The following AP3S2 variants were observed in gnomAD, a reference collection of about 807,000 sequenced individuals.
AP3S2 encodes AP-3 complex subunit sigma-2.
A neutral mutation model predicts 23.4 loss-of-function variants in AP3S2; 22 were observed. The observed-to-expected ratio is 0.94, with a 90% CI of 0.67 to 1.34. AP3S2 has a LOEUF of 1.34. AP3S2 is among the 40% of genes most tolerant of loss of function. The pLI, the probability that AP3S2 is intolerant of heterozygous loss-of-function variation, is 0.00. For missense variants in AP3S2, 241 were observed against 236.9 expected, an observed-to-expected ratio of 1.02 and a Z score of -0.11; for synonymous variants, 86 against 87.1, an observed-to-expected ratio of 0.99 and a Z score of 0.07.
In AP3S2 at chr15:89,837,294, C is replaced by T. The variant is rs547795468; in HGVS notation, c.453+321G>A. ...GAGGGTTCTGGGTCCCTCCAGGGAACGAGTGGCTTTCAAAGGAGGAATTAC... is the reference window on the plus strand; with the variant it reads ...GAGGGTTCTGGGTCCCTCCAGGGAATGAGTGGCTTTCAAAGGAGGAATTAC... On this transcript the variant is annotated intron_variant, in intron 5 of 5. Coordinates refer to ENST00000336418, the MANE Select transcript of AP3S2 (RefSeq NM_005829.5). Among the ~76,000 whole-genome samples, 17 of 152,264 alleles carry T rather than the reference C, an allele frequency of 1.1e-4. No homozygotes were observed. In the South Asian group the frequency reaches 3.3e-3, roughly 30 times the overall value.
intron 3 of AP3S2, among the ~76,000 whole-genome samples, chr15:89,879,394 G>A (rs1017760935): frequency 6.6e-6 from 1 of 152,178 alleles, no homozygotes; most frequent in Non-Finnish European, 1.5e-5. Context: ...ATAGATGCAC[G>A]TGGAAGGATG....
At chr15:89,856,347 GAGGTCA>G (rs1296649836) in intron 4 of AP3S2, among the ~76,000 whole-genome samples, 8 of 152,150 alleles carry the variant, frequency 5.3e-5, no homozygotes, top group Non-Finnish European at 1.2e-4. Flanking sequence ...TGGATCACTC[GAGGTCA>G]GGAATTTGAG....
intron 3 of AP3S2, chr15:89,886,470 A>G (rs957498998): frequency 2.0e-5 from 3 of 151,948 alleles, no homozygotes; most frequent in South Asian, 2.1e-4. Context: ...CTTTTAAAAA[A>G]TTTTCTTTAT....
intron 4 of AP3S2, among the ~76,000 whole-genome samples, chr15:89,845,165 C>A (rs1186879514): frequency 6.6e-6 from 1 of 152,168 alleles, no homozygotes. Flanking sequence ...CCCCGGCCTC[C>A]CAAAGTCCTA....
chr15:89,887,074 G>A (rs1462393548), intron 3 of AP3S2, among the ~76,000 whole-genome samples: 1 of 152,142 alleles, frequency 6.6e-6, no homozygotes, highest in African/African-American at 2.4e-5. Flanking sequence ...GGGATTACAG[G>A]TGTGAGCCAC....
chr15:89,885,709 A>C (rs1348623616), intron 3 of AP3S2, among the ~76,000 whole-genome samples: 1 of 151,976 alleles, frequency 6.6e-6, no homozygotes, highest in Non-Finnish European at 1.5e-5. Flanking sequence ...TGGGAGGCCA[A>C]AGTGGGAAGA....
chr15:89,879,212 G>A (rs1896514524), intron 3 of AP3S2, among the ~76,000 whole-genome samples: 1 of 152,242 alleles, frequency 6.6e-6, no homozygotes, highest in African/African-American at 2.4e-5. Flanking sequence ...AGTCAGTGAG[G>A]TTATGGGTAA....
chr15:89,842,653 G>GC (rs1431965225), intron 4 of AP3S2, among the ~76,000 whole-genome samples: 1 of 152,120 alleles, frequency 6.6e-6, no homozygotes, highest in African/African-American at 2.4e-5. Context: ...TCGCTCTGTT[G>GC]CCAGGCTGGA....
chr15:89,835,528 G>A lies in AP3S2; in HGVS notation c.569C>T (p.Ser190Phe). 2 of 1,613,850 alleles carry A rather than the reference G, an allele frequency of 1.2e-6. No individual in the cohort carries two copies. Among genetic ancestry groups the A allele is most frequent in the Non-Finnish European group, 1.7e-6 (2 of 1,179,958 alleles). ...GDLNIKVPNL[S>F]QFV is the part of the protein sequence containing the mutation. Reference sequence around the variant, plus strand: ...AATACTTGATCCTCAGACAAACTGGGACAGGTTGGGAACTTTGATGTTGAG... The same window carrying A: ...AATACTTGATCCTCAGACAAACTGGAACAGGTTGGGAACTTTGATGTTGAG... The change falls in exon 6 of 6, where the codon TCC becomes TTC. Residue 190 changes from serine (S) to phenylalanine (F), a missense_variant. Ser to Phe is a radical substitution (Grantham distance 155). Transcript: ENST00000336418.
intron 3 of AP3S2, among the ~76,000 whole-genome samples, chr15:89,884,940 C>T (rs1896660765): frequency 6.6e-6 from 1 of 152,126 alleles, no homozygotes; most frequent in East Asian, 1.9e-4. Flanking sequence ...AGCCGCTGTG[C>T]CTGGCCCATC....
In AP3S2 at chr15:89,837,656, C is replaced by T. The variant is rs1396404859; in HGVS notation, c.412G>A (p.Val138Met). 8 of 1,614,056 alleles carry T rather than the reference C, an allele frequency of 5.0e-6. No homozygotes were observed. Among genetic ancestry groups the T allele is most frequent in the African/African-American group, 2.7e-5 (2 of 74,924 alleles). Residue 138 changes from valine (V) to methionine (M), a missense_variant, in exon 5 of 6, where the codon GTG becomes ATG. Val to Met is a conservative substitution (Grantham distance 21). Coordinates refer to ENST00000336418, the MANE Select transcript of AP3S2 (RefSeq NM_005829.5). ...CTGTTTTGAGCCTCAATCTGAGCCACGATTTCATTCATGTTTGTTTCCAAC... is the reference window on the plus strand; with the variant it reads ...CTGTTTTGAGCCTCAATCTGAGCCATGATTTCATTCATGTTTGTTTCCAAC... ...MVLETNMNEI[V>M]AQIEAQNRLE...
At chr15:89,868,645 A>G (rs1230618244) in intron 4 of AP3S2, among the ~76,000 whole-genome samples, 4 of 99,080 alleles carry the variant, frequency 4.0e-5, no homozygotes, top group African/African-American at 7.9e-5. Context: ...CCTACTGGGA[A>G]GTGAGGAGCC....
At chr15:89,845,213 A>AT (rs1342993338) in intron 4 of AP3S2, 1 of 152,096 alleles carries the variant, frequency 6.6e-6, no homozygotes, top group Non-Finnish European at 1.5e-5. Context: ...AGCCAGAATA[A>AT]TTTTCTTTTC....
intron 4 of AP3S2, among the ~76,000 whole-genome samples, chr15:89,844,215 C>CTT (rs751417036): frequency 1.4e-4 from 2 of 14,692 alleles, no homozygotes; most frequent in African/African-American, 2.4e-4. Context: ...CTTTCTCTTT[C>CTT]TTTCTTTCTT....
intron 4 of AP3S2, among the ~76,000 whole-genome samples, chr15:89,847,843 G>C (rs1026355308): frequency 1.4e-4 from 22 of 152,196 alleles, no homozygotes; most frequent in African/African-American, 4.8e-4. Context: ...AAGGCTAGCA[G>C]CTCATGAAAG....
chr15:89,868,631 C>T (rs1173032400), intron 4 of AP3S2, among the ~76,000 whole-genome samples: 6 of 117,490 alleles, frequency 5.1e-5, no homozygotes, highest in East Asian at 5.7e-4. Flanking sequence ...TCTGCCCGGC[C>T]GCCCCTACTG....
chr15:89,858,762 C>A (rs1477126883), intron 4 of AP3S2, among the ~76,000 whole-genome samples: 1 of 152,138 alleles, frequency 6.6e-6, no homozygotes, highest in Non-Finnish European at 1.5e-5. Context: ...TGACTACAAC[C>A]TTGACAAACA....
chr15:89,881,446 C>A (rs772616278), intron 3 of AP3S2, among the ~76,000 whole-genome samples: 5 of 152,058 alleles, frequency 3.3e-5, no homozygotes, highest in Non-Finnish European at 7.4e-5. Flanking sequence ...GATGATAAGG[C>A]AAACCATTAT....
intron 4 of AP3S2, chr15:89,850,686 TGTTAGGTTCAA>T (rs1168126352): frequency 6.5e-6 from 1 of 153,070 alleles, no homozygotes; most frequent in Non-Finnish European, 1.5e-5. Flanking sequence ...AAAGGCAGTG[TGTTAGGTTCAA>T]GGCATTCACT....
Sources: allele counts gnomAD v4.1 joint callset (sites outside exome capture counted in the v4.1 genomes callset), GRCh38; gene constraint gnomAD v4.1.1; transcripts MANE v1.5; gene names NCBI Gene and HGNC (gene_info 2026-07-23, HGNC 2026-07-21).